The following FBXL7 variants were observed in gnomAD, a reference collection of about 807,000 sequenced individuals.
FBXL7 encodes the protein F-box and leucine rich repeat protein 7.
FBXL7 carries 12 observed loss-of-function variants against 38.3 expected under a neutral mutation model. That is an observed-to-expected ratio of 0.31 (90% CI 0.20 to 0.51). The LOEUF is 0.51. FBXL7 is among the 20% of genes least tolerant of loss of function. The pLI, the probability that FBXL7 is intolerant of heterozygous loss-of-function variation, is 0.98. For synonymous variants in FBXL7, 297 were observed against 300.9 expected (o/e 0.99, Z 0.13); for missense variants, 567 against 676.4 (o/e 0.84, Z 1.79).
chr5:15,696,738 A>G (rs1743349393), intron 2 of FBXL7, among the ~76,000 whole-genome samples: 1 of 152,186 alleles, frequency 6.6e-6, no homozygotes, highest in Non-Finnish European at 1.5e-5. Context: ...TTTCATCAGG[A>G]CAAGATCTTG....
chr5:15,562,898 A>G (rs1386059123), intron 1 of FBXL7, among the ~76,000 whole-genome samples: 1 of 152,182 alleles, frequency 6.6e-6, no homozygotes, highest in Non-Finnish European at 1.5e-5. Flanking sequence ...TTATTACAAT[A>G]TTCATACATT....
chr5:15,609,861 G>A (rs2126508038), intron 1 of FBXL7, among the ~76,000 whole-genome samples: 1 of 152,310 alleles, frequency 6.6e-6, no homozygotes, highest in South Asian at 2.1e-4. Context: ...AGCCTCTAGA[G>A]TTGCTCTCTG....
At chr5:15,681,431 T>C (rs544521622) in intron 2 of FBXL7, among the ~76,000 whole-genome samples, 87 of 152,312 alleles carry the variant, frequency 5.7e-4, no homozygotes, top group African/African-American at 2.0e-3. Flanking sequence ...TCTCAACATA[T>C]TGAAAAGTGT....
chr5:15,500,595 G>A lies in FBXL7; in HGVS notation c.-82G>A. 3.8e-6 allele frequency: 6 copies of A among 1,592,508 alleles called. No homozygotes were observed. The highest frequency in any genetic ancestry group is 4.3e-6 in the Non-Finnish European group (5 of 1,160,898). ...TGTGCAGCTAACGGTCCCGTCGGGCGGGCTTTCCTCGGGCCGAGCGCGCAG... is the reference window on the plus strand; with the variant it reads ...TGTGCAGCTAACGGTCCCGTCGGGCAGGCTTTCCTCGGGCCGAGCGCGCAG... On this transcript the variant is annotated 5_prime_UTR_variant, in exon 1 of 4. Coordinates refer to ENST00000504595, the MANE Select transcript of FBXL7 (RefSeq NM_012304.5).
chr5:15,616,221 T>G, intron 2 of FBXL7, 149 bp downstream of exon 2: 1 of 568,080 alleles, frequency 1.8e-6, no homozygotes, highest in Non-Finnish European at 3.1e-6. Context: ...TCTCCTAAGT[T>G]TTGTTGTTGT....
intron 2 of FBXL7, among the ~76,000 whole-genome samples, chr5:15,831,394 G>C (rs1251131439): frequency 6.6e-6 from 1 of 152,132 alleles, no homozygotes; most frequent in African/African-American, 2.4e-5. Context: ...GCAAACCCAG[G>C]GCACACTGAC....
At chr5:15,641,695 T>A (rs554426936) in intron 2 of FBXL7, among the ~76,000 whole-genome samples, 1 of 152,180 alleles carries the variant, frequency 6.6e-6, no homozygotes, top group African/African-American at 2.4e-5. Context: ...ATCCAATCTG[T>A]GGAAAGCCTG....
intron 2 of FBXL7, among the ~76,000 whole-genome samples, chr5:15,709,153 T>A (rs7724782): frequency 0.55 from 84,318 of 152,060 alleles, 23,520 homozygotes; most frequent in East Asian, 0.68. Flanking sequence ...GTGGGACAAG[T>A]ACCGTGGACA....
intron 2 of FBXL7, among the ~76,000 whole-genome samples, chr5:15,902,037 C>T (rs1158614882): frequency 1.3e-5 from 2 of 152,178 alleles, no homozygotes; most frequent in African/African-American, 4.8e-5. Context: ...TCCTCTCATG[C>T]TGCCACCCCA....
chr5:15,939,104 G>A lies in FBXL7; in HGVS notation c.*1918G>A, dbSNP rs1226275029. 1.5e-5 allele frequency: 6 copies of A among 399,020 alleles called. No individual in the cohort carries two copies. Among genetic ancestry groups the A allele is most frequent in the Admixed American group, 4.4e-5 (1 of 22,738 alleles). 24.7% of individuals were successfully genotyped at this position (399,020 alleles called of 1,614,324 possible). A position where few individuals can be genotyped will look rare whatever the true frequency, so the allele number is the denominator to read the frequency against. On this transcript the variant is annotated 3_prime_UTR_variant, in exon 4 of 4. Transcript: ENST00000504595. Reference sequence around the variant, plus strand: ...GGAGAGGTTAGTGTGATGAGGTGGTGTCTGCCCAGGAGGTTTCTTTCAAAC... The same window carrying A: ...GGAGAGGTTAGTGTGATGAGGTGGTATCTGCCCAGGAGGTTTCTTTCAAAC...
chr5:15,729,159 A>G (rs776993764), intron 2 of FBXL7, among the ~76,000 whole-genome samples: 3 of 152,188 alleles, frequency 2.0e-5, no homozygotes, highest in Non-Finnish European at 4.4e-5. Flanking sequence ...CCCACTAGAC[A>G]TAACAAGCCA....
At chr5:15,927,250 G>GT (rs1561191459) in intron 2 of FBXL7, among the ~76,000 whole-genome samples, 1 of 152,052 alleles carries the variant, frequency 6.6e-6, no homozygotes, top group Non-Finnish European at 1.5e-5. Context: ...AGGGCTTGTC[G>GT]TTGCAAGGGG....
chr5:15,672,524 T>C (rs1234398414), intron 2 of FBXL7, among the ~76,000 whole-genome samples: 1 of 151,960 alleles, frequency 6.6e-6, no homozygotes, highest in African/African-American at 2.4e-5. Context: ...AAATCTGAAG[T>C]TATACATTCA....
At chr5:15,748,445 T>A (rs552455469) in intron 2 of FBXL7, among the ~76,000 whole-genome samples, 35 of 152,270 alleles carry the variant, frequency 2.3e-4, no homozygotes, top group African/African-American at 7.7e-4. Flanking sequence ...ATCATAGGGG[T>A]TTCCCCCATA....
At chr5:15,655,236 C>G (rs1210695112) in intron 2 of FBXL7, among the ~76,000 whole-genome samples, 1 of 152,172 alleles carries the variant, frequency 6.6e-6, no homozygotes, top group East Asian at 1.9e-4. Flanking sequence ...TGGCTCACGC[C>G]TGTAATCCCA....
At chr5:15,816,438 A>G (rs1738016369) in intron 2 of FBXL7, among the ~76,000 whole-genome samples, 1 of 152,182 alleles carries the variant, frequency 6.6e-6, no homozygotes, top group South Asian at 2.1e-4. Flanking sequence ...GAGCTAAGCT[A>G]TTGGTATGCA....
intron 2 of FBXL7, among the ~76,000 whole-genome samples, chr5:15,785,610 A>G (rs1436258454): frequency 6.6e-6 from 1 of 152,236 alleles, no homozygotes; most frequent in Non-Finnish European, 1.5e-5. Flanking sequence ...TTAGCCCCAT[A>G]CATGGATGCT....
At chr5:15,514,014 C>T in intron 1 of FBXL7, among the ~76,000 whole-genome samples, 1 of 152,100 alleles carries the variant, frequency 6.6e-6, no homozygotes, top group Admixed American at 6.5e-5. Context: ...CTCCTAAAGC[C>T]ATAACAACAT....
chr5:15,937,039 C>T lies in FBXL7; in HGVS notation c.1329C>T (p.Gly443=). The T allele has an allele frequency of 6.2e-7, 1 of 1,614,048 alleles. No homozygotes were observed. The highest frequency in any genetic ancestry group is 2.2e-5 in the East Asian group (1 of 44,864). The change falls in exon 4 of 4, where the codon GGC becomes GGT. Residue 443 remains glycine (G), a synonymous_variant. Coordinates refer to ENST00000504595, the MANE Select transcript of FBXL7 (RefSeq NM_012304.5). ...TCAAGTCCTGCGAGAGCATCACCGG[C>T]CAGGGCTTGCAGATCGTGGCCGCCA... is the stretch of plus-strand genomic sequence containing the variant. ...LSLKSCESIT[G]QGLQIVAANC...
Sources: gnomAD v4.1 joint callset for allele counts (sites outside exome capture counted in the v4.1 genomes callset) on GRCh38, gnomAD v4.1.1 for gene constraint, MANE v1.5 for transcripts, NCBI Gene and HGNC (gene_info 2026-07-23, HGNC 2026-07-21) for gene names.